Variants in HSBP1 observed in about 807,000 individuals in gnomAD.
HSBP1 encodes the protein heat shock factor binding protein 1, also known as heat shock factor-binding protein 1.
A neutral mutation model predicts 9.6 loss-of-function variants in HSBP1; 5 were observed. The ratio of observed to expected loss-of-function variants is 0.52; its 90% CI spans 0.27 to 1.09. The LOEUF (loss-of-function observed/expected upper bound fraction) is 1.09, where lower values mean the gene tolerates loss of function less well. HSBP1 is among the 50% of genes least tolerant of loss of function. HSBP1 has a pLI of 0.11. For synonymous variants in HSBP1, 42 were observed against 33.3 expected (o/e 1.26, Z -0.90); for missense variants, 121 against 96.3 (o/e 1.26, Z -1.07).
At position 83,812,652 on chromosome 16, in the gene HSBP1, G is replaced by C. The variant is rs1904626467; in HGVS notation, c.*1234G>C. The C allele has an allele frequency of 1.3e-5, 2 of 152,062 alleles. No homozygotes were observed. Among genetic ancestry groups the C allele is most frequent in the Non-Finnish European group, 2.9e-5 (2 of 68,014 alleles). 9.4% of individuals were successfully genotyped at this position (152,062 alleles called of 1,614,324 possible). ...TTTGTGCTGTATACAAATTACATGGGGAACATAAAGGAGTGAGATCCTTCT... is the reference window on the plus strand; with the variant it reads ...TTTGTGCTGTATACAAATTACATGGCGAACATAAAGGAGTGAGATCCTTCT... On this transcript the variant is annotated 3_prime_UTR_variant, in exon 4 of 4. Coordinates refer to ENST00000433866, the MANE Select transcript of HSBP1 (RefSeq NM_001537.4).
chr16:83,815,763 G>T lies in HSBP1; in HGVS notation c.*4345G>T, dbSNP rs1023051206. 3.3e-5 allele frequency: 5 copies of T among 151,994 alleles called. No individual in the cohort carries two copies. The highest frequency in any genetic ancestry group is 9.7e-5 in the African/African-American group (4 of 41,380). 9.4% of individuals were successfully genotyped at this position (151,994 alleles called of 1,614,324 possible). A position where few individuals can be genotyped will look rare whatever the true frequency, so the allele number is the denominator to read the frequency against. On this transcript the variant is annotated 3_prime_UTR_variant, in exon 4 of 4. Transcript: ENST00000433866. The stretch of plus-strand genomic sequence containing the variant: ...ACTACATACCTATCGTGTAGATGCT[G>T]CCCTGCCTCATAAGAACACTCTTGA...
intron 3 of HSBP1, 140 bp downstream of exon 3, chr16:83,809,565 G>T (rs1397569848): frequency 3.6e-6 from 2 of 549,146 alleles, no homozygotes; most frequent in African/African-American, 4.0e-5. Flanking sequence ...GCCCTCCTGG[G>T]TTCAAACGAT....
At position 83,816,188 on chromosome 16, in the gene HSBP1, C is replaced by G. The variant is rs929372412; in HGVS notation, c.*4770C>G. On this transcript the variant is annotated 3_prime_UTR_variant, in exon 4 of 4. Transcript: ENST00000433866. ...CCGAGGTGGGTGGATCACCTGAGGT[C>G]AGGAGTTCTAAACCAGCCTGGCCAA... The G allele has an allele frequency of 2.0e-5, 3 of 152,182 alleles. No homozygotes were observed. The highest frequency in any genetic ancestry group is 7.2e-5 in the African/African-American group (3 of 41,434). 9.4% of individuals were successfully genotyped at this position (152,182 alleles called of 1,614,324 possible).
In HSBP1 at chr16:83,808,753, T is replaced by C; in HGVS notation, c.112+7T>C. ...GACCAGATCATTGGGAGAAATATCC[T>C]TTTTATCTGCAGTCGGCCTCCTGTG... On this transcript the variant is annotated splice_region_variant and intron_variant, in intron 2 of 3. Transcript: ENST00000433866. 6.2e-7 allele frequency: 1 copy of C among 1,604,426 alleles called. No homozygotes were observed. Among genetic ancestry groups the C allele is most frequent in the Non-Finnish European group, 8.5e-7 (1 of 1,172,694 alleles).
rs1162950965 is a variant in HSBP1, at chr16:83,818,980, A to T, written c.*7562A>T. 1 of 151,424 alleles carries T rather than the reference A, an allele frequency of 6.6e-6. No individual in the cohort carries two copies. Among genetic ancestry groups the T allele is most frequent in the African/African-American group, 2.4e-5 (1 of 41,170 alleles). The allele number at this position is 151,424 out of a possible 1,614,324, so 9.4% of individuals were successfully genotyped here. On this transcript the variant is annotated 3_prime_UTR_variant, in exon 4 of 4. Transcript: ENST00000433866. ...CTGGAAATGTAGATCCCCAGGCCCTACCTAGCCCTACTGAATCAGAGACCC... is the reference window on the plus strand; with the variant it reads ...CTGGAAATGTAGATCCCCAGGCCCTTCCTAGCCCTACTGAATCAGAGACCC...
At chr16:83,808,240 C>A in intron 1 of HSBP1, 119 bp downstream of exon 1, 1 of 858,100 alleles carries the variant, frequency 1.2e-6, no homozygotes, top group Non-Finnish European at 1.8e-6. Flanking sequence ...GGCCCCGTTT[C>A]TGGAAGCGTC....
chr16:83,808,086 A>G lies in HSBP1; in HGVS notation c.10A>G (p.Thr4Ala). The stretch of plus-strand genomic sequence containing the variant: ...GCTGGGCATCGGGGAGATGGCCGAG[A>G]CTGACCCCAAGACCGTGCAGGACCT... MAE[T>A]DPKTVQDLTS... The change falls in exon 1 of 4, where the codon ACT (threonine) becomes GCT (alanine). Residue 4 changes from threonine (T) to alanine (A), a missense_variant. Coordinates refer to ENST00000433866, the MANE Select transcript of HSBP1 (RefSeq NM_001537.4). The G allele has an allele frequency of 6.5e-7, 1 of 1,545,816 alleles. No individual in the cohort carries two copies.
chr16:83,817,969 C>G lies in HSBP1; in HGVS notation c.*6551C>G, dbSNP rs1310969908. 2 of 152,196 alleles carry G rather than the reference C, an allele frequency of 1.3e-5. No homozygotes were observed. The highest frequency in any genetic ancestry group is 4.8e-5 in the African/African-American group (2 of 41,446). 9.4% of individuals were successfully genotyped at this position (152,196 alleles called of 1,614,324 possible). A position where few individuals can be genotyped will look rare whatever the true frequency, so the allele number is the denominator to read the frequency against. Reference sequence around the variant, plus strand: ...TTTGATAGGTATCTCTCCTGCAAGCCAGGCTCAGGTGCGCCTCAATTAGAA... The same window carrying G: ...TTTGATAGGTATCTCTCCTGCAAGCGAGGCTCAGGTGCGCCTCAATTAGAA... On this transcript the variant is annotated 3_prime_UTR_variant, in exon 4 of 4. Transcript: ENST00000433866.
Position 83,816,505 on chromosome 16 carries a change from T to C in HSBP1, c.*5087T>C, listed in dbSNP as rs1016316914. The C allele has an allele frequency of 3.3e-5, 5 of 152,214 alleles. No homozygotes were observed. The highest frequency in any genetic ancestry group is 1.2e-4 in the African/African-American group (5 of 41,454). 9.4% of individuals were successfully genotyped at this position (152,214 alleles called of 1,614,324 possible). A position where few individuals can be genotyped will look rare whatever the true frequency, so the allele number is the denominator to read the frequency against. The stretch of plus-strand genomic sequence containing the variant: ...AGAATGCCTTTCTTCTTCCCTTTTG[T>C]CTCCTAAGAGTGAAGAAAATGTTTC... On this transcript the variant is annotated 3_prime_UTR_variant, in exon 4 of 4. Coordinates refer to ENST00000433866, the MANE Select transcript of HSBP1 (RefSeq NM_001537.4).
chr16:83,814,776 T>G lies in HSBP1; in HGVS notation c.*3358T>G, dbSNP rs1329808415. ...ATGTGTGCTCCTGGATCAGTGCCTT[T>G]TTTCTCCTAAATCAGTTGAGAACAA... On this transcript the variant is annotated 3_prime_UTR_variant, in exon 4 of 4. Coordinates refer to ENST00000433866, the MANE Select transcript of HSBP1 (RefSeq NM_001537.4). 3 of 152,254 alleles carry G rather than the reference T, an allele frequency of 2.0e-5. No homozygotes were observed. The highest frequency in any genetic ancestry group is 6.5e-5 in the Admixed American group (1 of 15,284). The allele number at this position is 152,254 out of a possible 1,614,324, so 9.4% of individuals were successfully genotyped here. A position where few individuals can be genotyped will look rare whatever the true frequency, so the allele number is the denominator to read the frequency against.
At position 83,819,193 on chromosome 16, in the gene HSBP1, A is replaced by T. The variant is rs143426615; in HGVS notation, c.*7775A>T. The T allele has an allele frequency of 4.6e-5, 7 of 152,304 alleles. No individual in the cohort carries two copies. The highest frequency in any genetic ancestry group is 1.4e-4 in the African/African-American group (6 of 41,566). 9.4% of individuals were successfully genotyped at this position (152,304 alleles called of 1,614,324 possible). On this transcript the variant is annotated 3_prime_UTR_variant, in exon 4 of 4. Coordinates refer to ENST00000433866, the MANE Select transcript of HSBP1 (RefSeq NM_001537.4). ...CCCCATGGGGCACTGATTAGCATGCAGGTCCCCAGGCCCCCTTTTTGTAGA... is the reference window on the plus strand; with the variant it reads ...CCCCATGGGGCACTGATTAGCATGCTGGTCCCCAGGCCCCCTTTTTGTAGA...
At position 83,817,390 on chromosome 16, in the gene HSBP1, T is replaced by C. The variant is rs954318258; in HGVS notation, c.*5972T>C. Reference sequence around the variant, plus strand: ...GATTCCCTGATGGGTGATGACTCAGTAACCGGATTCAGCTTCAGATCTGCC... The same window carrying C: ...GATTCCCTGATGGGTGATGACTCAGCAACCGGATTCAGCTTCAGATCTGCC... On this transcript the variant is annotated 3_prime_UTR_variant, in exon 4 of 4. Transcript: ENST00000433866. The C allele has an allele frequency of 3.3e-5, 5 of 152,276 alleles. No individual in the cohort carries two copies. The highest frequency in any genetic ancestry group is 7.3e-5 in the Non-Finnish European group (5 of 68,056). 9.4% of individuals were successfully genotyped at this position (152,276 alleles called of 1,614,324 possible). A position where few individuals can be genotyped will look rare whatever the true frequency, so the allele number is the denominator to read the frequency against.
Position 83,819,512 on chromosome 16 carries a change from C to T in HSBP1, c.*8094C>T, listed in dbSNP as rs1904794015. The stretch of plus-strand genomic sequence containing the variant: ...CCCGAGGAACTGAGCGTGAAGAGCC[C>T]TGACGCCATGAAGACTTGAATCACT... On this transcript the variant is annotated 3_prime_UTR_variant, in exon 4 of 4. Coordinates refer to ENST00000433866, the MANE Select transcript of HSBP1 (RefSeq NM_001537.4). 1 of 152,100 alleles carries T rather than the reference C, an allele frequency of 6.6e-6. No individual in the cohort carries two copies. Among genetic ancestry groups the T allele is most frequent in the Admixed American group, 6.6e-5 (1 of 15,260 alleles). 9.4% of individuals were successfully genotyped at this position (152,100 alleles called of 1,614,324 possible). A position where few individuals can be genotyped will look rare whatever the true frequency, so the allele number is the denominator to read the frequency against.
rs1393993727 is a variant in HSBP1 at position 83,808,700 on chromosome 16, G to C, written c.66G>C (p.Gln22His). 2.5e-6 allele frequency: 4 copies of C among 1,612,764 alleles called. No homozygotes were observed. Among genetic ancestry groups the C allele is most frequent in the Non-Finnish European group, 2.5e-6 (3 of 1,179,050 alleles). Residue 22 changes from glutamine (Q) to histidine (H), a missense_variant, in exon 2 of 4, where the codon CAG (glutamine) becomes CAC (histidine). Coordinates refer to ENST00000433866, the MANE Select transcript of HSBP1 (RefSeq NM_001537.4). ...CTTAGGTGCAGACACTCCTGCAGCA[G>C]ATGCAAGATAAATTTCAGACCATGT... ...LTSVVQTLLQQMQDKFQTMSD... is the reference protein window; with the variant it reads ...LTSVVQTLLQHMQDKFQTMSD...
At chr16:83,809,958 T>C (rs1477951933) in intron 3 of HSBP1, among the ~76,000 whole-genome samples, 1 of 152,204 alleles carries the variant, frequency 6.6e-6, no homozygotes, top group Non-Finnish European at 1.5e-5. Flanking sequence ...ATTTTCCCAG[T>C]TTTTATTAAT....
intron 1 of HSBP1, 97 bp from the exon 2 acceptor site, chr16:83,808,583 T>C (rs1383383454): frequency 6.6e-6 from 6 of 911,012 alleles, no homozygotes; most frequent in Non-Finnish European, 1.0e-5. Flanking sequence ...GAGGCAGAAA[T>C]GGGGCTGGAA....
At chr16:83,810,168 T>G (rs1904567593) in intron 3 of HSBP1, among the ~76,000 whole-genome samples, 1 of 152,006 alleles carries the variant, frequency 6.6e-6, no homozygotes, top group Non-Finnish European at 1.5e-5. Context: ...TGGCTTAAAT[T>G]CTGGAGACTT....
At position 83,808,769 on chromosome 16, in the gene HSBP1, G is replaced by T. The variant is rs757354449; in HGVS notation, c.112+23G>T. 3.2e-6 allele frequency: 5 copies of T among 1,582,662 alleles called. No homozygotes were observed. In the South Asian group the frequency reaches 4.5e-5, roughly 14 times the overall value. ...GAAATATCCTTTTTATCTGCAGTCG[G>T]CCTCCTGTGGGCCTTTGGAGCCTAT... On this transcript the variant is annotated intron_variant, in intron 2 of 3. Coordinates refer to ENST00000433866, the MANE Select transcript of HSBP1 (RefSeq NM_001537.4).
intron 1 of HSBP1, 132 bp downstream of exon 1, chr16:83,808,253 T>A: frequency 1.3e-6 from 1 of 779,018 alleles, no homozygotes; most frequent in Non-Finnish European, 2.0e-6. Flanking sequence ...GAAGCGTCTC[T>A]GGCCGAGGCT....
Sources: gnomAD v4.1 joint callset for allele counts (sites outside exome capture counted in the v4.1 genomes callset) on GRCh38, gnomAD v4.1.1 for gene constraint, MANE v1.5 for transcripts, NCBI Gene and HGNC (gene_info 2026-07-23, HGNC 2026-07-21) for gene names.